The following PHF11 variants were observed in gnomAD, a reference collection of about 807,000 sequenced individuals.
PHF11 encodes PHD finger protein 11.
Under a neutral mutation model 40.5 loss-of-function variants are expected in PHF11, and 38 were observed. The observed-to-expected ratio is 0.94, with a 90% CI of 0.72 to 1.23. The LOEUF (loss-of-function observed/expected upper bound fraction) is 1.23, where lower values mean the gene tolerates loss of function less well. Ranked by LOEUF, PHF11 falls within the 50% of genes most tolerant of loss-of-function variation. PHF11 has a pLI of 0.00. For synonymous variants in PHF11, 127 were observed against 138.2 expected, an observed-to-expected ratio of 0.92 and a Z score of 0.57; for missense variants, 369 against 392.4, an observed-to-expected ratio of 0.94 and a Z score of 0.50.
chr13:49,526,621 G>GCCCCC (rs1222135505), intron 9 of PHF11, among the ~76,000 whole-genome samples, 163 bp downstream of exon 9: 4 of 145,794 alleles, frequency 2.7e-5, no homozygotes, highest in Non-Finnish European at 6.0e-5. Flanking sequence ...CCGCCCACCT[G>GCCCCC]CCCACACACA....
chr13:49,520,843 G>A (rs760097543), intron 4 of PHF11, 51 bp from the exon 5 acceptor site: 7 of 1,268,010 alleles, frequency 5.5e-6, no homozygotes, highest in Admixed American at 2.1e-5. Context: ...CATAATATTT[G>A]AAACCTGTAA....
intron 9 of PHF11, among the ~76,000 whole-genome samples, chr13:49,527,933 T>C (rs1167534771): frequency 8.7e-6 from 1 of 115,044 alleles, no homozygotes; most frequent in Non-Finnish European, 2.1e-5. Context: ...AAAGTTTGTA[T>C]ATGTGTGTAA....
At chr13:49,521,514 C>A (rs1259737324) in intron 5 of PHF11, 2 of 982,150 alleles carry the variant, frequency 2.0e-6, no homozygotes, top group Middle Eastern at 5.2e-4. Context: ...ATAACATTCT[C>A]CAAATAGCAC....
chr13:49,522,759 GTTTT>G (rs34691109), intron 6 of PHF11, among the ~76,000 whole-genome samples: 3 of 31,762 alleles, frequency 9.4e-5, no homozygotes, highest in African/African-American at 1.9e-4. Flanking sequence ...TGAATATGGG[GTTTT>G]TTTGTTTTTT....
intron 3 of PHF11, 27 bp downstream of exon 3, chr13:49,513,193 T>C (rs202095269): frequency 8.3e-6 from 9 of 1,087,826 alleles, no homozygotes; most frequent in East Asian, 4.8e-5. Flanking sequence ...TTATTTCTTA[T>C]ACTGGATGAA....
intron 1 of PHF11, among the ~76,000 whole-genome samples, chr13:49,503,310 C>G (rs9562886): frequency 2.6e-5 from 4 of 152,140 alleles, no homozygotes; most frequent in African/African-American, 9.7e-5. Flanking sequence ...CTCCTTCCCA[C>G]GAGGAGCACT....
intron 8 of PHF11, among the ~76,000 whole-genome samples, chr13:49,525,103 A>G (rs1484315814): frequency 6.6e-6 from 1 of 152,228 alleles, no homozygotes; most frequent in African/African-American, 2.4e-5. Context: ...AGGTTAACTC[A>G]AACTTTAAAG....
chr13:49,504,795 T>C (rs1270926407), intron 1 of PHF11, among the ~76,000 whole-genome samples: 1 of 151,576 alleles, frequency 6.6e-6, no homozygotes, highest in Admixed American at 6.6e-5. Flanking sequence ...GGGGAAAAGA[T>C]TGAGAAATCG....
chr13:49,523,026 G>C, intron 6 of PHF11, 149 bp from the exon 7 acceptor site: 1 of 667,284 alleles, frequency 1.5e-6, no homozygotes. Context: ...CCCTCCCAAA[G>C]TGCTGAGATT....
intron 8 of PHF11, 27 bp downstream of exon 8, chr13:49,524,243 G>T (rs769418867): frequency 5.9e-6 from 9 of 1,535,662 alleles, no homozygotes; most frequent in Non-Finnish European, 6.2e-6. Context: ...ATATTTCGAA[G>T]TATAGAGACT....
At chr13:49,508,229 A>C (rs914623948) in intron 2 of PHF11, among the ~76,000 whole-genome samples, 1 of 147,396 alleles carries the variant, frequency 6.8e-6, no homozygotes, top group African/African-American at 2.5e-5. Context: ...TTAATATATT[A>C]TTGTGTTATG....
At chr13:49,498,947 G>A (rs1421161968) in intron 1 of PHF11, among the ~76,000 whole-genome samples, 1 of 152,200 alleles carries the variant, frequency 6.6e-6, no homozygotes, top group Non-Finnish European at 1.5e-5. Flanking sequence ...TGTAATTTAA[G>A]CATGAGGGAT....
chr13:49,524,264 C>A, intron 8 of PHF11, 48 bp downstream of exon 8: 13 of 1,406,694 alleles, frequency 9.2e-6, no homozygotes, highest in Non-Finnish European at 1.2e-5. Flanking sequence ...TCTCCCAGAT[C>A]TAGATTTAAA....
chr13:49,528,582 G>C lies in PHF11; in HGVS notation c.913G>C (p.Asp305His). The change falls in exon 10 of 10, where the codon GAC becomes CAC. Residue 305 changes from aspartate to histidine, a missense_variant. Physicochemically the swap from Asp to His is moderately conservative, Grantham distance 81 (BLOSUM62 -1). Coordinates refer to ENST00000378319, the MANE Select transcript of PHF11 (RefSeq NM_001040443.3). ...GAAGGAAGAGATTGAGCTACTTCAGGACTTAAAACAAACCTTGTGCTCTTT... is the reference window on the plus strand; with the variant it reads ...GAAGGAAGAGATTGAGCTACTTCAGCACTTAAAACAAACCTTGTGCTCTTT... ...QLKEEIELLQ[D>H]LKQTLCSFQE... The C allele has an allele frequency of 6.2e-7, 1 of 1,611,410 alleles. No homozygotes were observed. Among genetic ancestry groups the C allele is most frequent in the Non-Finnish European group, 8.5e-7 (1 of 1,177,732 alleles).
At chr13:49,527,938 G>GTGTGT (rs1177230190) in intron 9 of PHF11, among the ~76,000 whole-genome samples, 1 of 110,584 alleles carries the variant, frequency 9.0e-6, no homozygotes, top group Non-Finnish European at 2.1e-5. Context: ...TTGTATATGT[G>GTGTGT]TGTAACTGTT....
intron 2 of PHF11, 47 bp from the exon 3 acceptor site, chr13:49,513,012 T>C: frequency 2.2e-6 from 2 of 896,806 alleles, no homozygotes; most frequent in Non-Finnish European, 3.6e-6. Context: ...CATGTAGCTT[T>C]CAATATTACT....
chr13:49,501,005 T>TTTTTTTTG (rs1958894927), intron 1 of PHF11, among the ~76,000 whole-genome samples: 1 of 122,066 alleles, frequency 8.2e-6, no homozygotes, highest in African/African-American at 3.9e-5. Flanking sequence ...CTTTTGTTTT[T>TTTTTTTTG]TTTTTTTTTT....
At position 49,515,455 on chromosome 13, in the gene PHF11, TACACACACACACACACACAC is replaced by T. The variant is rs61316360; in HGVS notation, c.324+2319_324+2338del. 2.2e-3 allele frequency among the ~76,000 whole-genome samples: 299 copies of T among 137,612 alleles called. 3 individuals carry two copies. Among genetic ancestry groups the T allele is most frequent in the South Asian group, 6.3e-3 (25 of 3,970 alleles). The allele number at this position is 137,612 out of a possible 152,430, so 90.3% of individuals were successfully genotyped here. A position where few individuals can be genotyped will look rare whatever the true frequency, so the allele number is the denominator to read the frequency against. ...CAAAAAAGTACAGTTCCATCTCCTATACACACACACACACACACACACACACACACACACACACACACACA... is the reference window on the plus strand; with the variant it reads ...CAAAAAAGTACAGTTCCATCTCCTATACACACACACACACACACACACACA... On this transcript the variant is annotated intron_variant, in intron 3 of 9. Transcript: ENST00000378319.
chr13:49,502,153 T>G (rs1319828025), intron 1 of PHF11, among the ~76,000 whole-genome samples: 1 of 152,014 alleles, frequency 6.6e-6, no homozygotes, highest in Non-Finnish European at 1.5e-5. Context: ...ATTTAAAAAT[T>G]AGCTAGATGT....
Sources: allele counts gnomAD v4.1 joint callset (sites outside exome capture counted in the v4.1 genomes callset), GRCh38; gene constraint gnomAD v4.1.1; transcripts MANE v1.5; gene names NCBI Gene and HGNC (gene_info 2026-07-23, HGNC 2026-07-21).